Variants in DENND5A observed in about 807,000 individuals in gnomAD.
DENND5A encodes DENN domain-containing protein 5A.
A neutral mutation model predicts 140.3 loss-of-function variants in DENND5A; 64 were observed. The observed-to-expected ratio is 0.46, with a 90% CI of 0.37 to 0.56. DENND5A has a LOEUF of 0.56. DENND5A is among the 20% of genes least tolerant of loss of function. DENND5A has a pLI of 0.00. For synonymous variants in DENND5A, 605 were observed against 607.7 expected, an observed-to-expected ratio of 1.00 and a Z score of 0.07; for missense variants, 1,292 against 1,593.8, an observed-to-expected ratio of 0.81 and a Z score of 3.22.
At chr11:9,176,683 C>T (rs1387953325) in intron 8 of DENND5A, 4 of 256,924 alleles carry the variant, frequency 1.6e-5, no homozygotes, top group Non-Finnish European at 3.1e-5. Context: ...GAAGAATCAA[C>T]TGACTCAGTC....
At chr11:9,171,260 C>A (rs1848364429) in intron 8 of DENND5A, 1 of 155,298 alleles carries the variant, frequency 6.4e-6, no homozygotes, top group East Asian at 1.9e-4. Flanking sequence ...GAAAGAATCA[C>A]CGGAAAGGAT....
intron 1 of DENND5A, among the ~76,000 whole-genome samples, chr11:9,261,764 T>C: frequency 8.8e-6 from 1 of 114,182 alleles, no homozygotes; most frequent in Non-Finnish European, 1.7e-5. Context: ...GGCAACAGAG[T>C]GAGACTGTGT....
chr11:9,147,221 TG>T (rs1847462300), intron 15 of DENND5A, 70 bp from the exon 16 acceptor site: 2 of 1,547,122 alleles, frequency 1.3e-6, no homozygotes, highest in Non-Finnish European at 1.8e-6. Context: ...TTTTCAGTTC[TG>T]GAAGGAGACA....
chr11:9,207,553 G>GTTTTT lies in DENND5A; in HGVS notation c.181+3_181+7dup, dbSNP rs779560284. 9.9e-6 allele frequency: 16 copies of GTTTTT among 1,609,518 alleles called. No homozygotes were observed. The highest frequency in any genetic ancestry group is 1.4e-5 in the Non-Finnish European group (16 of 1,176,384). ...CTTTGGGTGTTCTCAATTTTGTTTT[G>GTTTTT]TTTTTACCTTCAGTCGTACTTGAAA... is the stretch of plus-strand genomic sequence containing the variant. On this transcript the variant is annotated splice_region_variant and intron_variant, in intron 2 of 22. Coordinates refer to ENST00000328194, the MANE Select transcript of DENND5A (RefSeq NM_015213.4).
At chr11:9,214,876 A>G (rs567250415) in intron 1 of DENND5A, among the ~76,000 whole-genome samples, 46 of 152,264 alleles carry the variant, frequency 3.0e-4, no homozygotes, top group African/African-American at 1.0e-3. Flanking sequence ...GGCGCCTGCC[A>G]TCACCCTCAG....
rs1290156641 is a variant in DENND5A, at chr11:9,227,611, G to A, written c.110-19979C>T. 3.3e-5 allele frequency among the ~76,000 whole-genome samples: 5 copies of A among 152,074 alleles called. No individual in the cohort carries two copies. The East Asian group carries it at 9.6e-4, about 29-fold the overall frequency. On this transcript the variant is annotated intron_variant, in intron 1 of 22. Coordinates refer to ENST00000328194, the MANE Select transcript of DENND5A (RefSeq NM_015213.4). ...AGGAAAATTTAGAACTCAAATATTA[G>A]TTCCATGTTTTGTTTAATTTCTTCT...
At chr11:9,161,258 G>A (rs1398825331) in intron 11 of DENND5A, among the ~76,000 whole-genome samples, 1 of 152,090 alleles carries the variant, frequency 6.6e-6, no homozygotes, top group Admixed American at 6.5e-5. Flanking sequence ...TGAAGCAGGA[G>A]AATGGCGTCA....
intron 1 of DENND5A, among the ~76,000 whole-genome samples, chr11:9,225,288 T>C (rs990373137): frequency 2.6e-5 from 4 of 152,232 alleles, no homozygotes; most frequent in Non-Finnish European, 5.9e-5. Context: ...ATTTATTTCA[T>C]CATATAGCTT....
intron 13 of DENND5A, 99 bp from the exon 14 acceptor site, chr11:9,150,863 G>A (rs2136123779): frequency 1.5e-6 from 1 of 655,052 alleles, no homozygotes; most frequent in Non-Finnish European, 2.6e-6. Flanking sequence ...TGGGAAACAG[G>A]TGGTTACACT....
chr11:9,252,160 T>C (rs1376548517), intron 1 of DENND5A, among the ~76,000 whole-genome samples: 1 of 145,812 alleles, frequency 6.9e-6, no homozygotes, highest in East Asian at 1.9e-4. Context: ...TAGCTGGGCA[T>C]GGTAGCACGC....
At chr11:9,256,290 T>G (rs916056146) in intron 1 of DENND5A, among the ~76,000 whole-genome samples, 1 of 151,916 alleles carries the variant, frequency 6.6e-6, no homozygotes, top group East Asian at 1.9e-4. Flanking sequence ...TGAAACCCCG[T>G]CTCTACTAAA....
At chr11:9,236,472 T>C (rs1851008265) in intron 1 of DENND5A, among the ~76,000 whole-genome samples, 1 of 146,642 alleles carries the variant, frequency 6.8e-6, no homozygotes, top group Non-Finnish European at 1.5e-5. Context: ...GCAGAGGTTG[T>C]GGTGAGCCAA....
intron 5 of DENND5A, among the ~76,000 whole-genome samples, chr11:9,189,296 C>T (rs1337633616): frequency 6.6e-6 from 1 of 152,164 alleles, no homozygotes; most frequent in East Asian, 1.9e-4. Flanking sequence ...CCTGGATGCC[C>T]AGAGAGAAGT....
intron 12 of DENND5A, among the ~76,000 whole-genome samples, chr11:9,155,462 A>T (rs937763332): frequency 6.6e-6 from 1 of 152,240 alleles, no homozygotes; most frequent in African/African-American, 2.4e-5. Context: ...CTGGCTCACA[A>T]TGTTTACAGA....
chr11:9,144,616 C>G (rs1013189736), intron 18 of DENND5A, among the ~76,000 whole-genome samples: 1 of 151,972 alleles, frequency 6.6e-6, no homozygotes, highest in African/African-American at 2.4e-5. Context: ...TATGGCGAAA[C>G]CTGTCTCTAC....
At chr11:9,212,785 A>G (rs770569099) in intron 1 of DENND5A, among the ~76,000 whole-genome samples, 10 of 152,210 alleles carry the variant, frequency 6.6e-5, no homozygotes, top group Admixed American at 5.9e-4. Flanking sequence ...AGAAAAGCCA[A>G]TCACAACAGG....
At chr11:9,184,646 G>C (rs375281916) in intron 5 of DENND5A, among the ~76,000 whole-genome samples, 2 of 152,278 alleles carry the variant, frequency 1.3e-5, no homozygotes, top group African/African-American at 4.8e-5. Flanking sequence ...CCAACAAAAT[G>C]AGCATAAAAT....
intron 11 of DENND5A, among the ~76,000 whole-genome samples, chr11:9,162,837 C>A (rs1184562912): frequency 6.7e-6 from 1 of 150,352 alleles, no homozygotes; most frequent in East Asian, 1.9e-4. Context: ...GTAGCTGGGA[C>A]TATAGGCATG....
chr11:9,145,385 G>A, intron 17 of DENND5A: 1 of 578,706 alleles, frequency 1.7e-6, no homozygotes, highest in Non-Finnish European at 3.1e-6. Flanking sequence ...GAACAGGTGG[G>A]CTGAGTAGCT....
Sources: gnomAD v4.1 joint callset for allele counts (sites outside exome capture counted in the v4.1 genomes callset) on GRCh38, gnomAD v4.1.1 for gene constraint, MANE v1.5 for transcripts, NCBI Gene and HGNC (gene_info 2026-07-23, HGNC 2026-07-21) for gene names.